AGFG1: variants seen among roughly 807,000 people sequenced by gnomAD.
AGFG1 encodes ArfGAP with FG repeats 1.
Under a neutral mutation model 60.6 loss-of-function variants are expected in AGFG1, and 10 were observed. That is an observed-to-expected ratio of 0.16 (90% CI 0.10 to 0.28). The LOEUF is 0.28. AGFG1 is among the 10% of genes least tolerant of loss of function. AGFG1 has a pLI of 1.00. For synonymous variants in AGFG1, 247 were observed against 242.9 expected (o/e 1.02, Z -0.16); for missense variants, 537 against 676.5 (o/e 0.79, Z 2.29).
At chr2:227,547,574 A>G (rs2106239342) in intron 10 of AGFG1, among the ~76,000 whole-genome samples, 1 of 152,360 alleles carries the variant, frequency 6.6e-6, no homozygotes, top group East Asian at 1.9e-4. Context: ...CAGAATGTGC[A>G]AAGAACTCGT....
chr2:227,552,227 C>T, intron 11 of AGFG1, 110 bp downstream of exon 11: 2 of 1,246,502 alleles, frequency 1.6e-6, no homozygotes, highest in South Asian at 1.7e-5. Flanking sequence ...ATAGTATTAT[C>T]TACTGAGTGT....
At chr2:227,536,340 A>G (rs752399618) in intron 8 of AGFG1, among the ~76,000 whole-genome samples, 35 of 152,164 alleles carry the variant, frequency 2.3e-4, no homozygotes, top group Non-Finnish European at 4.9e-4. Context: ...TAACATGAAT[A>G]TTAAGATAGT....
chr2:227,479,727 G>C (rs1427097545), intron 1 of AGFG1, among the ~76,000 whole-genome samples: 2 of 152,080 alleles, frequency 1.3e-5, no homozygotes, highest in Non-Finnish European at 2.9e-5. Flanking sequence ...ATACAACTTG[G>C]ATACCTTTAA....
chr2:227,475,826 C>T (rs1243640548), intron 1 of AGFG1, among the ~76,000 whole-genome samples: 2 of 151,998 alleles, frequency 1.3e-5, no homozygotes, highest in African/African-American at 2.4e-5. Context: ...GAGCACATAC[C>T]GTATTTGAGG....
intron 2 of AGFG1, among the ~76,000 whole-genome samples, chr2:227,519,076 G>A (rs1217993252): frequency 6.6e-6 from 1 of 152,202 alleles, no homozygotes; most frequent in Admixed American, 6.5e-5. Context: ...TCAGGAGGCT[G>A]AAGTGGGAGG....
chr2:227,493,492 G>T (rs888114145), intron 2 of AGFG1, among the ~76,000 whole-genome samples: 1 of 152,122 alleles, frequency 6.6e-6, no homozygotes, highest in African/African-American at 2.4e-5. Context: ...ATTTCTGAAG[G>T]AATATTTTTT....
In AGFG1 at chr2:227,472,488, C is replaced by T. The variant is rs775758146; in HGVS notation, c.67C>T (p.Leu23Phe). 1.6e-5 allele frequency: 26 copies of T among 1,580,120 alleles called. No individual in the cohort carries two copies. In the African/African-American group the frequency reaches 2.9e-4, roughly 18 times the overall value. ...GAAGATGCTGCGGGACATGACCGGC[C>T]TCCCGCACAACCGAAAGTGCTTCGA... ...HLKMLRDMTG[L>F]PHNRKCFDCD... The change falls in exon 1 of 13, where the codon CTC (leucine) becomes TTC (phenylalanine). Residue 23 changes from leucine (L) to phenylalanine (F), a missense_variant. Coordinates refer to ENST00000310078, the MANE Select transcript of AGFG1 (RefSeq NM_004504.5).
intron 1 of AGFG1, among the ~76,000 whole-genome samples, chr2:227,488,335 G>A (rs1009088850): frequency 1.3e-5 from 2 of 152,194 alleles, no homozygotes; most frequent in Admixed American, 6.5e-5. Context: ...TATGTGTGAC[G>A]TAACTTAAAA....
chr2:227,535,549 G>GA (rs1156249925), intron 8 of AGFG1, among the ~76,000 whole-genome samples: 5 of 152,118 alleles, frequency 3.3e-5, no homozygotes, highest in Non-Finnish European at 7.4e-5. Context: ...TTGGCAGTAG[G>GA]AAGTCTAACA....
chr2:227,478,217 T>C (rs558018769), intron 1 of AGFG1, among the ~76,000 whole-genome samples: 1 of 140,270 alleles, frequency 7.1e-6, no homozygotes, highest in Admixed American at 7.6e-5. Flanking sequence ...TATCAAAAAA[T>C]TCAGTTAAAG....
chr2:227,533,175 A>G (rs1692213562), intron 6 of AGFG1, among the ~76,000 whole-genome samples: 1 of 152,176 alleles, frequency 6.6e-6, no homozygotes, highest in Non-Finnish European at 1.5e-5. Flanking sequence ...AAATCCTCCT[A>G]GTAAGATACT....
At position 227,472,537 on chromosome 2, in the gene AGFG1, A is replaced by G; in HGVS notation, c.116A>G (p.Tyr39Cys). The change falls in exon 1 of 13, where the codon TAC (tyrosine) becomes TGC (cysteine). Residue 39 changes from tyrosine to cysteine, a missense_variant. Coordinates refer to ENST00000310078, the MANE Select transcript of AGFG1 (RefSeq NM_004504.5). Reference protein sequence around the residue: ...CFDCDQRGPTYVNMTVGSFVC... With the variant: ...CFDCDQRGPTCVNMTVGSFVC... ...GACTGCGACCAGCGCGGCCCCACCT[A>G]CGTTAACATGACGGTCGGCTCCTTC... is the stretch of plus-strand genomic sequence containing the variant. 1 of 1,579,566 alleles carries G rather than the reference A, an allele frequency of 6.3e-7. No individual in the cohort carries two copies. The highest frequency in any genetic ancestry group is 8.6e-7 in the Non-Finnish European group (1 of 1,162,512).
At chr2:227,533,805 C>T (rs775586565) in intron 7 of AGFG1, 47 bp downstream of exon 7, 2 of 1,520,466 alleles carry the variant, frequency 1.3e-6, no homozygotes, top group Non-Finnish European at 1.8e-6. Flanking sequence ...TTAAACAGTG[C>T]TCTTAATTTG....
intron 10 of AGFG1, among the ~76,000 whole-genome samples, chr2:227,549,607 G>A (rs1185511286): frequency 6.6e-6 from 1 of 152,160 alleles, no homozygotes; most frequent in African/African-American, 2.4e-5. Context: ...TCTAGTTAAT[G>A]TGCTGATTTG....
chr2:227,525,470 A>T (rs181823115), intron 5 of AGFG1, among the ~76,000 whole-genome samples: 1 of 152,250 alleles, frequency 6.6e-6, no homozygotes. Context: ...ACATACGTAC[A>T]TATGTACATA....
At chr2:227,551,405 C>G (rs1376271588) in intron 10 of AGFG1, among the ~76,000 whole-genome samples, 1 of 152,044 alleles carries the variant, frequency 6.6e-6, no homozygotes, top group Non-Finnish European at 1.5e-5. Context: ...TCTCTCTTCT[C>G]TGGCTGTAGT....
At position 227,522,177 on chromosome 2, in the gene AGFG1, C is replaced by T. The variant is rs1186298565; in HGVS notation, c.378-1586C>T. 3.3e-5 allele frequency among the ~76,000 whole-genome samples: 5 copies of T among 152,242 alleles called. No homozygotes were observed. The South Asian group carries it at 8.3e-4, about 25-fold the overall frequency. The stretch of plus-strand genomic sequence containing the variant: ...TCACTTTCTGTGTTATACTAGAAGA[C>T]ATCAGGTATGAAAATAGATTAAAAT... On this transcript the variant is annotated intron_variant, in intron 3 of 12. Coordinates refer to ENST00000310078, the MANE Select transcript of AGFG1 (RefSeq NM_004504.5).
In AGFG1 at chr2:227,554,745, T is replaced by C. The variant is rs1459421599; in HGVS notation, c.*250T>C. 2.2e-5 allele frequency: 8 copies of C among 367,152 alleles called. No individual in the cohort carries two copies. In the South Asian group the frequency reaches 3.7e-4, roughly 17 times the overall value. The allele number at this position is 367,152 out of a possible 1,614,324, so 22.7% of individuals were successfully genotyped here. A position where few individuals can be genotyped will look rare whatever the true frequency, so the allele number is the denominator to read the frequency against. On this transcript the variant is annotated 3_prime_UTR_variant, in exon 13 of 13. Coordinates refer to ENST00000310078, the MANE Select transcript of AGFG1 (RefSeq NM_004504.5). ...ATTAAAATTGGCTAATATTAAGTTA[T>C]TGCAGATACCACATTCATTATGCTG...
At chr2:227,480,490 G>A (rs983273911) in intron 1 of AGFG1, among the ~76,000 whole-genome samples, 1 of 151,842 alleles carries the variant, frequency 6.6e-6, no homozygotes. Context: ...ACTTTCATCT[G>A]TCAGGTTCAG....
Sources: gnomAD v4.1 joint callset for allele counts (sites outside exome capture counted in the v4.1 genomes callset) on GRCh38, gnomAD v4.1.1 for gene constraint, MANE v1.5 for transcripts, NCBI Gene and HGNC (gene_info 2026-07-23, HGNC 2026-07-21) for gene names.